The following SLC20A2 variants were observed in gnomAD, a reference collection of about 807,000 sequenced individuals.
The protein encoded by SLC20A2 is sodium-dependent phosphate transporter 2.
SLC20A2 carries 30 observed loss-of-function variants against 61.0 expected under a neutral mutation model. That is an observed-to-expected ratio of 0.49 (90% CI 0.37 to 0.67). The LOEUF (loss-of-function observed/expected upper bound fraction) is 0.67, where lower values mean the gene tolerates loss of function less well. Among genes scored for constraint, SLC20A2 ranks in the 30% least tolerant of loss-of-function variants. SLC20A2 has a pLI of 0.00. For synonymous variants in SLC20A2, 351 were observed against 353.3 expected, an observed-to-expected ratio of 0.99 and a Z score of 0.07; for missense variants, 626 against 866.4, an observed-to-expected ratio of 0.72 and a Z score of 3.48.
At chr8:42,459,873 G>A (rs1276175608) in intron 5 of SLC20A2, 23 bp downstream of exon 5, 2 of 1,488,924 alleles carry the variant, frequency 1.3e-6, no homozygotes, top group Non-Finnish European at 1.9e-6. Context: ...TGCCCCTGGA[G>A]TATGCTTCCA....
intron 1 of SLC20A2, among the ~76,000 whole-genome samples, chr8:42,533,880 G>A (rs1340859504): frequency 2.0e-5 from 3 of 150,454 alleles, no homozygotes; most frequent in East Asian, 2.0e-4. Context: ...GGCTGGTCTC[G>A]AACTCCTGAC....
At chr8:42,481,494 G>A (rs575526226) in intron 1 of SLC20A2, among the ~76,000 whole-genome samples, 1 of 152,278 alleles carries the variant, frequency 6.6e-6, no homozygotes, top group South Asian at 2.1e-4. Flanking sequence ...TAAGCTGGGG[G>A]TGGGCAGGGA....
intron 1 of SLC20A2, among the ~76,000 whole-genome samples, chr8:42,538,909 C>T (rs1489104285): frequency 6.6e-6 from 1 of 152,146 alleles, no homozygotes; most frequent in Non-Finnish European, 1.5e-5. Context: ...AGGCCAGACA[C>T]GGTGGCTCAC....
At chr8:42,435,105 G>C (rs551513513) in intron 8 of SLC20A2, among the ~76,000 whole-genome samples, 1 of 152,166 alleles carries the variant, frequency 6.6e-6, no homozygotes, top group African/African-American at 2.4e-5. Flanking sequence ...GAAGTGGGAC[G>C]GTGTGGGGGC....
chr8:42,459,235 C>CAAAAAAAAAAAAAAAAAAAAAAAA (rs756966778), intron 5 of SLC20A2, among the ~76,000 whole-genome samples: 1 of 36,070 alleles, frequency 2.8e-5, no homozygotes, highest in Non-Finnish European at 7.3e-5. Flanking sequence ...GACTCTATCT[C>CAAAAAAAAAAAAAAAAAAAAAAAA]AAAAAAAAAA....
rs1414461717 is a variant in SLC20A2, at chr8:42,439,482, G to A, written c.902C>T (p.Thr301Ile). 6.8e-6 allele frequency: 11 copies of A among 1,613,850 alleles called. No homozygotes were observed. The highest frequency in any genetic ancestry group is 1.1e-5 in the South Asian group (1 of 91,074). ...AGETLGTSEG[T>I]SAGSHPRAAY... ...AGCCCGAGGGTGGCTGCCCGCAGAA[G>A]TGCCTTCCGAGGTCCCCAGTGTCTC... Residue 301 changes from threonine (T) to isoleucine (I), a missense_variant, in exon 7 of 11, where the codon ACT (threonine) becomes ATT (isoleucine). Transcript: ENST00000520262.
chr8:42,430,175 G>A lies in SLC20A2; in HGVS notation c.1598C>T (p.Pro533Leu). 6.2e-7 allele frequency: 1 copy of A among 1,614,030 alleles called. No homozygotes were observed. The highest frequency in any genetic ancestry group is 2.2e-5 in the East Asian group (1 of 44,874). The change falls in exon 9 of 11, where the codon CCC (proline) becomes CTC (leucine). Residue 533 changes from proline (P) to leucine (L), a missense_variant. Coordinates refer to ENST00000520262, the MANE Select transcript of SLC20A2 (RefSeq NM_001257180.2). ...QGGVTQEAAT[P>L]VWLLFYGGVG... is the part of the protein sequence containing the mutation. Reference sequence around the variant, plus strand: ...TCCTCCATAAAACAGCAGCCAGACGGGTGTAGCTGCTTCTTGCGTTACCCC... The same window carrying A: ...TCCTCCATAAAACAGCAGCCAGACGAGTGTAGCTGCTTCTTGCGTTACCCC...
chr8:42,464,268 A>T (rs1249594159), intron 3 of SLC20A2, among the ~76,000 whole-genome samples: 16 of 145,854 alleles, frequency 1.1e-4, no homozygotes, highest in Non-Finnish European at 2.4e-4. Context: ...CCATCACACC[A>T]GGCTAATTTT....
chr8:42,436,917 G>A, intron 8 of SLC20A2, 72 bp downstream of exon 8: 5 of 1,383,566 alleles, frequency 3.6e-6, no homozygotes, highest in East Asian at 2.4e-5. Context: ...GCTGGATCCC[G>A]GCACCCGCAC....
intron 6 of SLC20A2, among the ~76,000 whole-genome samples, chr8:42,441,648 T>C (rs908270394): frequency 2.7e-5 from 4 of 150,502 alleles, no homozygotes; most frequent in Non-Finnish European, 5.9e-5. Context: ...TTTGTATTTT[T>C]AGTAGAGATG....
intron 1 of SLC20A2, among the ~76,000 whole-genome samples, chr8:42,517,173 C>A (rs957124355): frequency 6.6e-6 from 1 of 151,996 alleles, no homozygotes; most frequent in Non-Finnish European, 1.5e-5. Flanking sequence ...TTACTTTGAT[C>A]CAGGTCTTTA....
chr8:42,520,250 G>T (rs1156888831), intron 1 of SLC20A2, among the ~76,000 whole-genome samples: 1 of 150,366 alleles, frequency 6.7e-6, no homozygotes, highest in African/African-American at 2.4e-5. Flanking sequence ...CTGACCTCAA[G>T]TGATCCGCCC....
At chr8:42,431,669 A>C (rs1803878621) in intron 8 of SLC20A2, among the ~76,000 whole-genome samples, 1 of 152,232 alleles carries the variant, frequency 6.6e-6, no homozygotes, top group South Asian at 2.1e-4. Flanking sequence ...CCTGGCTTCA[A>C]AGCTTCAAAG....
chr8:42,455,456 A>G (rs1403904589), intron 5 of SLC20A2, among the ~76,000 whole-genome samples: 4 of 151,608 alleles, frequency 2.6e-5, no homozygotes, highest in Non-Finnish European at 5.9e-5. Context: ...GTCAGGAGAT[A>G]GAGACCATCC....
intron 8 of SLC20A2, among the ~76,000 whole-genome samples, chr8:42,432,301 T>TG (rs1803931311): frequency 6.6e-6 from 1 of 152,172 alleles, no homozygotes; most frequent in Non-Finnish European, 1.5e-5. Flanking sequence ...GCAGATGTGG[T>TG]GGAAACAGCA....
At chr8:42,476,935 C>G (rs1286168073) in intron 1 of SLC20A2, among the ~76,000 whole-genome samples, 1 of 152,240 alleles carries the variant, frequency 6.6e-6, no homozygotes, top group African/African-American at 2.4e-5. Context: ...CTCAATGACT[C>G]ACCTGAACCG....
intron 5 of SLC20A2, 130 bp downstream of exon 5, chr8:42,459,766 C>T (rs891190064): frequency 6.4e-6 from 4 of 620,554 alleles, no homozygotes; most frequent in Admixed American, 2.6e-5. Flanking sequence ...CCAACAACTC[C>T]AGCACCTATT....
chr8:42,532,735 C>T (rs1357133757), intron 1 of SLC20A2, among the ~76,000 whole-genome samples: 2 of 152,068 alleles, frequency 1.3e-5, no homozygotes, highest in East Asian at 3.8e-4. Context: ...CGAGAAGGAA[C>T]CAGAGCTAGA....
intron 1 of SLC20A2, among the ~76,000 whole-genome samples, chr8:42,508,556 A>G (rs145212906): frequency 0.022 from 3,306 of 151,836 alleles, 114 homozygotes; most frequent in South Asian, 0.089. Flanking sequence ...ACGCCTGGCT[A>G]ATTTTTGTAT....
Sources: allele counts gnomAD v4.1 joint callset (sites outside exome capture counted in the v4.1 genomes callset), GRCh38; gene constraint gnomAD v4.1.1; transcripts MANE v1.5; gene names NCBI Gene and HGNC (gene_info 2026-07-23, HGNC 2026-07-21).